The following BABAM2 variants were observed in gnomAD, a reference collection of about 807,000 sequenced individuals.
BABAM2 encodes BRISC and BRCA1-A complex member 2.
A neutral mutation model predicts 54.7 loss-of-function variants in BABAM2; 31 were observed. The observed-to-expected ratio is 0.57, with a 90% CI of 0.43 to 0.77. The LOEUF is 0.77. Ranked by LOEUF, BABAM2 falls within the 30% of genes least tolerant of loss-of-function variation. The probability of loss-of-function intolerance (pLI) is 0.00; values close to 1 mark genes in which losing one functional copy is unlikely to be tolerated. For synonymous variants in BABAM2, 167 were observed against 162.9 expected (o/e 1.03, Z -0.19); for missense variants, 364 against 455.8 (o/e 0.80, Z 1.83).
At chr2:28,213,288 G>T (rs1679637414) in intron 7 of BABAM2, among the ~76,000 whole-genome samples, 1 of 152,078 alleles carries the variant, frequency 6.6e-6, no homozygotes, top group Non-Finnish European at 1.5e-5. Flanking sequence ...TGGGGATCTG[G>T]TAAGAAACTG....
intron 2 of BABAM2, among the ~76,000 whole-genome samples, chr2:27,910,060 A>G (rs1253860242): frequency 6.6e-6 from 1 of 152,214 alleles, no homozygotes; most frequent in Non-Finnish European, 1.5e-5. Context: ...AAGCCATTCC[A>G]TCTATAACAG....
chr2:28,100,265 C>T (rs1035150077), intron 6 of BABAM2, among the ~76,000 whole-genome samples: 1 of 151,864 alleles, frequency 6.6e-6, no homozygotes, highest in Admixed American at 6.6e-5. Flanking sequence ...TCGAGACCAG[C>T]CTGGCCAACA....
intron 4 of BABAM2, among the ~76,000 whole-genome samples, chr2:27,993,734 C>T (rs188829584): frequency 1.3e-5 from 2 of 152,098 alleles, no homozygotes; most frequent in Admixed American, 1.3e-4. Flanking sequence ...GGGTAGTGAA[C>T]CTAATGCTAC....
chr2:27,924,521 A>G (rs1167079632), intron 2 of BABAM2, among the ~76,000 whole-genome samples: 3 of 151,986 alleles, frequency 2.0e-5, no homozygotes, highest in African/African-American at 7.3e-5. Flanking sequence ...AGTAGCTGGG[A>G]CTACAGGCAT....
rs1295590202 is a variant in BABAM2, at chr2:28,126,407, C to T, written c.571-2864C>T. 4.3e-4 allele frequency among the ~76,000 whole-genome samples: 64 copies of T among 147,906 alleles called. 1 individual carries two copies. The highest frequency in any genetic ancestry group is 6.3e-4 in the Non-Finnish European group (42 of 66,912). ...GAACATGCGGTGTTTGGTTTTTTGT[C>T]CTTGCGATAGTTTACTGAGAATGAT... is the stretch of plus-strand genomic sequence containing the variant. On this transcript the variant is annotated intron_variant, in intron 6 of 11. Coordinates refer to ENST00000379624, the MANE Select transcript of BABAM2 (RefSeq NM_199191.3).
chr2:28,218,121 T>C (rs1680079267), intron 7 of BABAM2, among the ~76,000 whole-genome samples: 1 of 152,226 alleles, frequency 6.6e-6, no homozygotes, highest in Non-Finnish European at 1.5e-5. Context: ...TGTACTTACA[T>C]TTTTGTATCT....
intron 4 of BABAM2, among the ~76,000 whole-genome samples, chr2:28,012,689 G>T (rs942437240): frequency 6.6e-6 from 1 of 152,134 alleles, no homozygotes; most frequent in Non-Finnish European, 1.5e-5. Context: ...TCTCTAATGC[G>T]TGTTTTGGAA....
At chr2:28,139,727 C>T (rs1349447450) in intron 7 of BABAM2, among the ~76,000 whole-genome samples, 1 of 152,162 alleles carries the variant, frequency 6.6e-6, no homozygotes, top group East Asian at 1.9e-4. Flanking sequence ...ACTGGGATTG[C>T]AGATGTGCTC....
At chr2:28,157,239 G>C (rs1672631447) in intron 7 of BABAM2, among the ~76,000 whole-genome samples, 1 of 152,160 alleles carries the variant, frequency 6.6e-6, no homozygotes, top group Non-Finnish European at 1.5e-5. Flanking sequence ...ATGAAGGTCA[G>C]ATTACCAGTC....
At chr2:28,066,253 T>G (rs1663554844) in intron 6 of BABAM2, among the ~76,000 whole-genome samples, 1 of 152,058 alleles carries the variant, frequency 6.6e-6, no homozygotes, top group Non-Finnish European at 1.5e-5. Flanking sequence ...GGCATTGTAT[T>G]CTATGCTGAC....
At chr2:28,265,708 C>CTAAGCCT (rs775730093) in intron 10 of BABAM2, among the ~76,000 whole-genome samples, 3 of 152,198 alleles carry the variant, frequency 2.0e-5, no homozygotes, top group African/African-American at 4.8e-5. Flanking sequence ...ACTCTTGGAA[C>CTAAGCCT]TAAGCCTTTG....
At chr2:27,896,766 GGCCAGCA>G in intron 2 of BABAM2, 1 of 231,440 alleles carries the variant, frequency 4.3e-6, no homozygotes, top group Non-Finnish European at 8.8e-6. Context: ...CCAGCAACTG[GGCCAGCA>G]GCTTGTGCCC....
intron 6 of BABAM2, among the ~76,000 whole-genome samples, chr2:28,092,447 A>G (rs868377503): frequency 3.5e-4 from 54 of 152,358 alleles, no homozygotes; most frequent in African/African-American, 1.2e-3. Context: ...GTATCTATAT[A>G]TCAACAGAAA....
At chr2:28,197,178 C>A (rs1677689852) in intron 7 of BABAM2, among the ~76,000 whole-genome samples, 1 of 152,022 alleles carries the variant, frequency 6.6e-6, no homozygotes, top group Admixed American at 6.6e-5. Flanking sequence ...AAAAGTAAGG[C>A]AGGAGACTAT....
At chr2:28,173,296 A>G (rs1674561094) in intron 7 of BABAM2, among the ~76,000 whole-genome samples, 1 of 152,170 alleles carries the variant, frequency 6.6e-6, no homozygotes, top group South Asian at 2.1e-4. Context: ...CTGACTAACC[A>G]CATATAAATA....
chr2:28,132,994 T>C (rs1471836928), intron 7 of BABAM2, among the ~76,000 whole-genome samples: 1 of 152,220 alleles, frequency 6.6e-6, no homozygotes, highest in African/African-American at 2.4e-5. Context: ...TCTTATACTT[T>C]TCCTGGTTGC....
At chr2:27,918,425 T>A (rs1162360141) in intron 2 of BABAM2, among the ~76,000 whole-genome samples, 1 of 152,182 alleles carries the variant, frequency 6.6e-6, no homozygotes, top group South Asian at 2.1e-4. Context: ...CCTTCCTTTT[T>A]AAGGCTGGAT....
At chr2:28,050,571 TA>T (rs1003949188) in intron 6 of BABAM2, among the ~76,000 whole-genome samples, 2 of 152,180 alleles carry the variant, frequency 1.3e-5, no homozygotes, top group Non-Finnish European at 2.9e-5. Context: ...GATTTTGCCA[TA>T]AAATGATACT....
chr2:28,206,556 G>A (rs1678863240), intron 7 of BABAM2, among the ~76,000 whole-genome samples: 1 of 152,108 alleles, frequency 6.6e-6, no homozygotes, highest in African/African-American at 2.4e-5. Flanking sequence ...GAGGTGGTGA[G>A]CGGAGGCTGA....
Sources: allele counts gnomAD v4.1 joint callset (sites outside exome capture counted in the v4.1 genomes callset), GRCh38; gene constraint gnomAD v4.1.1; transcripts MANE v1.5; gene names NCBI Gene and HGNC (gene_info 2026-07-23, HGNC 2026-07-21).